The following IQSEC1 variants were observed in gnomAD, a reference collection of about 807,000 sequenced individuals.
The protein encoded by IQSEC1 is IQ motif and SEC7 domain-containing protein 1.
Under a neutral mutation model 91.0 loss-of-function variants are expected in IQSEC1, and 31 were observed. That is an observed-to-expected ratio of 0.34 (90% CI 0.26 to 0.46). The LOEUF (loss-of-function observed/expected upper bound fraction) is 0.46. IQSEC1 is among the 20% of genes least tolerant of loss of function. The pLI is 1.00. For synonymous variants in IQSEC1, 699 were observed against 662.6 expected (o/e 1.05, Z -0.84); for missense variants, 1,388 against 1,575.6 (o/e 0.88, Z 2.02).
rs1694360248 is a variant in IQSEC1, at chr3:13,207,224, C to A, written c.273-43091G>T. 6.6e-6 allele frequency among the ~76,000 whole-genome samples: 1 copy of A among 152,106 alleles called. No homozygotes were observed. Among genetic ancestry groups the A allele is most frequent in the Admixed American group, 6.5e-5 (1 of 15,272 alleles). ...AACACACCCAGACCAAGCTCTTGAC[C>A]CTGACCTTCCCCACCTCCGCTCAAA... On this transcript the variant is annotated intron_variant, in intron 1 of 15. Transcript: ENST00000648114. This position sits in a 1 kb window ranked among gnomAD's most constrained non-coding sequence, Gnocchi z 4.8.
chr3:12,988,298 C>T (rs1220027742), intron 1 of IQSEC1, among the ~76,000 whole-genome samples: 1 of 152,086 alleles, frequency 6.6e-6, no homozygotes, highest in African/African-American at 2.4e-5. Flanking sequence ...GCCTGTAATC[C>T]CAGCTACTGG....
At chr3:13,155,201 A>G (rs1257349182) in intron 2 of IQSEC1, among the ~76,000 whole-genome samples, 1 of 152,194 alleles carries the variant, frequency 6.6e-6, no homozygotes, top group Non-Finnish European at 1.5e-5. Context: ...AATCCAAACA[A>G]AAGTTGGTTC....
rs2125117574 is a variant in IQSEC1, at chr3:13,073,097, A to G, written c.-83T>C. 6.7e-7 allele frequency: 1 copy of G among 1,497,858 alleles called. No homozygotes were observed. Among genetic ancestry groups the G allele is most frequent in the East Asian group, 2.5e-5 (1 of 39,940 alleles). 92.8% of individuals were successfully genotyped at this position (1,497,858 alleles called of 1,614,324 possible). A position where few individuals can be genotyped will look rare whatever the true frequency, so the allele number is the denominator to read the frequency against. On this transcript the variant is annotated 5_prime_UTR_variant, in exon 1 of 14. Transcript: ENST00000613206. Reference sequence around the variant, plus strand: ...TGTTTCCAAGAGGAGCAGGCGGCTCAGGCAAGAAGTGGAGGGGAATAAAAT... The same window carrying G: ...TGTTTCCAAGAGGAGCAGGCGGCTCGGGCAAGAAGTGGAGGGGAATAAAAT...
chr3:12,968,820 A>T (rs889857896), intron 1 of IQSEC1, among the ~76,000 whole-genome samples: 1 of 152,188 alleles, frequency 6.6e-6, no homozygotes. Flanking sequence ...GGCCTACGGG[A>T]GTCAGGAAGC....
At position 12,992,996 on chromosome 3, in the gene IQSEC1, G is replaced by A. The variant is rs1205455500; in HGVS notation, c.24-51131C>T. Among the ~76,000 whole-genome samples, 2 of 152,042 alleles carry A rather than the reference G, an allele frequency of 1.3e-5. No homozygotes were observed. The highest frequency in any genetic ancestry group is 2.9e-5 in the Non-Finnish European group (2 of 67,982). ...AGCGGGAGGTTGCGGTGGGGGCGGG[G>A]GTCCCACACTCTAAGACCCTGGCCC... On this transcript the variant is annotated intron_variant, in intron 1 of 13. Transcript: ENST00000613206. This position sits in a 1 kb window ranked among gnomAD's most constrained non-coding sequence, Gnocchi z 4.1.
rs1694068455 is a variant in IQSEC1 at position 13,193,331 on chromosome 3, A to G, written c.273-29198T>C. On this transcript the variant is annotated intron_variant, in intron 1 of 15. Coordinates refer to the IQSEC1 transcript ENST00000648114. The surrounding 1 kb of genome is among the most constrained non-coding windows in gnomAD (Gnocchi z 4.2). ...TCCGGCCTGTGGCAATGTCTTTTAC[A>G]TTCTGAATACATATTTGGGGGTGGG... 6.6e-6 allele frequency among the ~76,000 whole-genome samples: 1 copy of G among 152,172 alleles called. No individual in the cohort carries two copies. The highest frequency in any genetic ancestry group is 1.5e-5 in the Non-Finnish European group (1 of 68,036).
rs968993255 is a variant in IQSEC1 at position 12,900,519 on chromosome 3, A to C, written c.*464T>G. ...GTTTACTTACGTATTTTCATCAACC[A>C]TATCAGGTCTACTTATTTTTTTGCC... On this transcript the variant is annotated 3_prime_UTR_variant, in exon 14 of 14. Coordinates refer to ENST00000613206, the MANE Select transcript of IQSEC1 (RefSeq NM_001134382.3). 2.2e-6 allele frequency: 2 copies of C among 918,340 alleles called. No individual in the cohort carries two copies. Among genetic ancestry groups the C allele is most frequent in the Non-Finnish European group, 2.6e-6 (2 of 769,514 alleles). The allele number at this position is 918,340 out of a possible 1,614,324, so 56.9% of individuals were successfully genotyped here.
chr3:13,130,762 C>G (rs938063401), intron 2 of IQSEC1, among the ~76,000 whole-genome samples: 3 of 151,894 alleles, frequency 2.0e-5, no homozygotes, highest in Non-Finnish European at 2.9e-5. Context: ...CATGGCGAAA[C>G]CCTATCTCTA....
chr3:12,905,255 G>A (rs1412822337), intron 12 of IQSEC1, among the ~76,000 whole-genome samples: 1 of 152,240 alleles, frequency 6.6e-6, no homozygotes, highest in Non-Finnish European at 1.5e-5. Context: ...TTTTCTTGAA[G>A]GGCTCCCAGG....
At chr3:13,274,744 G>A (rs969433565) in intron 1 of IQSEC1, among the ~76,000 whole-genome samples, 3 of 151,866 alleles carry the variant, frequency 2.0e-5, no homozygotes, top group African/African-American at 7.3e-5. Flanking sequence ...TGTGCTGCAT[G>A]GCTTAGAGGG....
At chr3:13,030,724 C>T (rs1449906464) in intron 1 of IQSEC1, among the ~76,000 whole-genome samples, 1 of 152,156 alleles carries the variant, frequency 6.6e-6, no homozygotes, top group Non-Finnish European at 1.5e-5. Context: ...TTGTTAGGGC[C>T]CTGATTTGAA....
rs1459722113 is a variant in IQSEC1 at position 12,900,081 on chromosome 3, TAG to T, written c.*900_*901del. 95 of 982,918 alleles carry T rather than the reference TAG, an allele frequency of 9.7e-5. No individual in the cohort carries two copies. Among genetic ancestry groups the T allele is most frequent in the Non-Finnish European group, 1.1e-4 (93 of 827,802 alleles). The allele number at this position is 982,918 out of a possible 1,614,324, so 60.9% of individuals were successfully genotyped here. A position where few individuals can be genotyped will look rare whatever the true frequency, so the allele number is the denominator to read the frequency against. On this transcript the variant is annotated 3_prime_UTR_variant, in exon 14 of 14. Coordinates refer to ENST00000613206, the MANE Select transcript of IQSEC1 (RefSeq NM_001134382.3). ...AACCAGCTGTCCTGAGTTGCTACTG[TAG>T]AGTGTACTGCAGTTTAGCTATTTGC...
At chr3:13,123,738 T>C (rs140544062) in intron 2 of IQSEC1, among the ~76,000 whole-genome samples, 74 of 152,026 alleles carry the variant, frequency 4.9e-4, no homozygotes, top group African/African-American at 1.6e-3. Context: ...CACTGCAAGG[T>C]GGGAAAGGAA....
At chr3:13,120,875 G>A (rs1266766201) in intron 2 of IQSEC1, among the ~76,000 whole-genome samples, 3 of 152,166 alleles carry the variant, frequency 2.0e-5, no homozygotes, top group African/African-American at 2.4e-5. Flanking sequence ...TTAAGTCCTC[G>A]CACTCCTCTC....
At chr3:13,021,090 T>A (rs1158220563) in intron 1 of IQSEC1, among the ~76,000 whole-genome samples, 1 of 152,208 alleles carries the variant, frequency 6.6e-6, no homozygotes, top group Non-Finnish European at 1.5e-5. Context: ...TTAGGCGGCA[T>A]CCAAGTACAA....
rs916603974 is a variant in IQSEC1, at chr3:13,100,206, G to C, written c.303-52684C>G. On this transcript the variant is annotated intron_variant, in intron 2 of 15. Transcript: ENST00000648114. ...CCTCAGCTGTGCACAGGGAGTTGGG[G>C]GGTGTGGGGAGGTAAATAAGGCAGG... Among the ~76,000 whole-genome samples the C allele has an allele frequency of 6.1e-5, 9 of 148,082 alleles. 2 individuals carry two copies. Among genetic ancestry groups the C allele is most frequent in the African/African-American group, 2.3e-4 (9 of 39,144 alleles).
At chr3:13,099,058 C>T (rs1352724513) in intron 2 of IQSEC1, among the ~76,000 whole-genome samples, 2 of 152,106 alleles carry the variant, frequency 1.3e-5, no homozygotes, top group African/African-American at 4.8e-5. Flanking sequence ...GGGAACAGGC[C>T]GGGTGTCCCC....
intron 1 of IQSEC1, among the ~76,000 whole-genome samples, chr3:12,976,872 C>A (rs1272615078): frequency 1.3e-5 from 2 of 152,196 alleles, no homozygotes; most frequent in African/African-American, 4.8e-5. Flanking sequence ...TCTCCCCATG[C>A]TTATCCTTGT....
chr3:13,152,025 C>T (rs1308193619), intron 2 of IQSEC1, among the ~76,000 whole-genome samples: 1 of 152,136 alleles, frequency 6.6e-6, no homozygotes, highest in African/African-American at 2.4e-5. Context: ...TTCTATTCCT[C>T]ATAAGTCAGA....
Sources: gnomAD v4.1 joint callset for allele counts (sites outside exome capture counted in the v4.1 genomes callset) on GRCh38, gnomAD v4.1.1 for gene constraint, Gnocchi (gnomAD v3.1) non-coding constraint, MANE v1.5 for transcripts, NCBI Gene and HGNC (gene_info 2026-07-23, HGNC 2026-07-21) for gene names.